The following ARB2A variants were observed in gnomAD, a reference collection of about 807,000 sequenced individuals.
The protein encoded by ARB2A is cotranscriptional regulator ARB2A.
At chr5:93,675,402 T>G in the ARB2A span, among the ~76,000 whole-genome samples, 1 of 152,232 alleles carries the variant, frequency 6.6e-6, no homozygotes, top group African/African-American at 2.4e-5. Context: ...ATTGGCTTTA[T>G]GTATCTACTA....
chr5:94,007,579 C>T, the ARB2A span, among the ~76,000 whole-genome samples: 1 of 152,092 alleles, frequency 6.6e-6, no homozygotes, highest in Admixed American at 6.6e-5. Flanking sequence ...TCGAGACCAG[C>T]CTTGCCAGCA....
chr5:93,961,958 T>C, the ARB2A span, among the ~76,000 whole-genome samples: 2 of 152,198 alleles, frequency 1.3e-5, no homozygotes, highest in Admixed American at 1.3e-4. Flanking sequence ...ACTCTGACTG[T>C]GCACATGGTA....
At chr5:93,741,528 G>A in the ARB2A span, 11 of 1,600,348 alleles carry the variant, frequency 6.9e-6, no homozygotes, top group Non-Finnish European at 9.4e-6. Flanking sequence ...TGCCTGGAAG[G>A]GGGCAGAAGT....
the ARB2A span, among the ~76,000 whole-genome samples, chr5:93,946,726 C>G: frequency 7.2e-5 from 11 of 152,118 alleles, no homozygotes; most frequent in Admixed American, 7.2e-4. Context: ...AAAGATAACA[C>G]TTATTTTGAT....
chr5:94,050,378 C>A, the ARB2A span, among the ~76,000 whole-genome samples: 1 of 151,796 alleles, frequency 6.6e-6, no homozygotes, highest in Admixed American at 6.6e-5. Context: ...CCTCAGCCTT[C>A]CAAGTAGCTG....
At chr5:93,829,106 C>T in the ARB2A span, among the ~76,000 whole-genome samples, 8 of 152,050 alleles carry the variant, frequency 5.3e-5, no homozygotes, top group East Asian at 1.9e-4. Flanking sequence ...CATTCAAGGC[C>T]GTTTGTAAAG....
the ARB2A span, among the ~76,000 whole-genome samples, chr5:93,654,888 A>G: frequency 6.6e-6 from 1 of 152,182 alleles, no homozygotes; most frequent in African/African-American, 2.4e-5. Context: ...TCAGATTCAC[A>G]ATCCTATCAC....
At chr5:93,866,030 G>A in the ARB2A span, 1 of 983,878 alleles carries the variant, frequency 1.0e-6, no homozygotes, top group South Asian at 4.7e-5. Context: ...AAAAAACGTT[G>A]CTAAATAATC....
chr5:94,019,067 T>G, the ARB2A span, among the ~76,000 whole-genome samples: 5 of 152,176 alleles, frequency 3.3e-5, no homozygotes, highest in African/African-American at 2.4e-5. Context: ...GGGGAAATGA[T>G]TCCATATTTA....
chr5:93,755,285 C>T, the ARB2A span, among the ~76,000 whole-genome samples: 1 of 152,156 alleles, frequency 6.6e-6, no homozygotes, highest in Non-Finnish European at 1.5e-5. Context: ...TAACTGATTA[C>T]ACCATTCTCT....
the ARB2A span, among the ~76,000 whole-genome samples, chr5:93,912,082 TA>T: frequency 4.3e-4 from 65 of 151,784 alleles, no homozygotes; most frequent in Non-Finnish European, 7.4e-4. Flanking sequence ...ATGTTCAGAC[TA>T]AAAAAATCAA....
At chr5:93,740,906 G>C in the ARB2A span, 10 of 1,613,840 alleles carry the variant, frequency 6.2e-6, no homozygotes, top group Non-Finnish European at 8.5e-6. Context: ...TTTCCGATTC[G>C]TCGCTCTCTG....
chr5:93,683,762 TAAAAC>T, the ARB2A span: 66 of 1,554,116 alleles, frequency 4.2e-5, 1 homozygote, highest in Non-Finnish European at 5.6e-5. Context: ...CGGACGGAGA[TAAAAC>T]AACGCTGCTG....
chr5:93,830,332 T>TATATAC, the ARB2A span, among the ~76,000 whole-genome samples: 1 of 139,684 alleles, frequency 7.2e-6, no homozygotes, highest in Non-Finnish European at 1.5e-5. Flanking sequence ...TATATATATA[T>TATATAC]ATATATATAT....
the ARB2A span, among the ~76,000 whole-genome samples, chr5:93,931,356 C>T: frequency 3.9e-5 from 6 of 152,094 alleles, no homozygotes; most frequent in African/African-American, 1.4e-4. Context: ...CCCAGCTACT[C>T]GGGAGGCTAA....
the ARB2A span, among the ~76,000 whole-genome samples, chr5:93,823,353 C>A: frequency 6.6e-6 from 1 of 152,040 alleles, no homozygotes; most frequent in Non-Finnish European, 1.5e-5. Flanking sequence ...CTCCAAGAAT[C>A]AAATTATTTT....
the ARB2A span, among the ~76,000 whole-genome samples, chr5:93,939,955 G>GT: frequency 3.8e-4 from 56 of 148,330 alleles, no homozygotes; most frequent in South Asian, 1.7e-3. Context: ...AACTGTATCC[G>GT]TTTTTTTTTT....
the ARB2A span, among the ~76,000 whole-genome samples, chr5:94,019,975 T>C: frequency 6.6e-6 from 1 of 152,212 alleles, no homozygotes; most frequent in African/African-American, 2.4e-5. Context: ...GTATGTTTAT[T>C]GCAGCACTGT....
the ARB2A span, chr5:93,741,482 G>A: frequency 1.2e-6 from 2 of 1,613,236 alleles, no homozygotes; most frequent in African/African-American, 1.3e-5. Context: ...GTGTCAACCC[G>A]CAGGGGCATC....
Sources: allele counts gnomAD v4.1 joint callset (sites outside exome capture counted in the v4.1 genomes callset), GRCh38; gene constraint gnomAD v4.1.1; transcripts MANE v1.5; gene names NCBI Gene and HGNC (gene_info 2026-07-23, HGNC 2026-07-21).